PTPRD: variants seen among roughly 807,000 people sequenced by gnomAD.
PTPRD encodes receptor-type tyrosine-protein phosphatase delta.
Under a neutral mutation model 214.5 loss-of-function variants are expected in PTPRD, and 34 were observed. That is an observed-to-expected ratio of 0.16 (90% CI 0.12 to 0.21). PTPRD has a LOEUF of 0.21. Among genes scored for constraint, PTPRD ranks in the 10% least tolerant of loss-of-function variants. The pLI is 1.00. For synonymous variants in PTPRD, 1,128 were observed against 845.7 expected (o/e 1.33, Z -5.79); for missense variants, 2,545 against 2,398.7 (o/e 1.06, Z -1.27).
intron 11 of PTPRD, among the ~76,000 whole-genome samples, chr9:8,945,776 C>T (rs1373530827): frequency 3.3e-5 from 5 of 152,090 alleles, no homozygotes; most frequent in African/African-American, 1.2e-4. Flanking sequence ...ATATACAGTC[C>T]CATCTAGCTA....
intron 2 of PTPRD, among the ~76,000 whole-genome samples, chr9:10,561,368 G>A (rs916160522): frequency 1.3e-5 from 2 of 152,002 alleles, no homozygotes; most frequent in Non-Finnish European, 2.9e-5. Context: ...AGTAGTCTCA[G>A]ATTCCCTTTA....
At chr9:9,779,155 G>A (rs1481037018) in intron 5 of PTPRD, among the ~76,000 whole-genome samples, 1 of 145,838 alleles carries the variant, frequency 6.9e-6, no homozygotes, top group Admixed American at 7.1e-5. Context: ...TAGCCACATG[G>A]AAAAGAATGA....
chr9:9,676,224 C>T (rs746090485), intron 7 of PTPRD, among the ~76,000 whole-genome samples: 2 of 151,898 alleles, frequency 1.3e-5, no homozygotes, highest in African/African-American at 2.4e-5. Flanking sequence ...GTGCCGCACC[C>T]AGTAACTCGT....
At chr9:9,435,660 T>A (rs2084949621) in intron 8 of PTPRD, among the ~76,000 whole-genome samples, 2 of 152,178 alleles carry the variant, frequency 1.3e-5, no homozygotes, top group Admixed American at 1.3e-4. Flanking sequence ...AAAAGTTGCA[T>A]ATATCATATT....
intron 2 of PTPRD, among the ~76,000 whole-genome samples, chr9:10,425,453 T>G (rs1482462281): frequency 6.6e-6 from 1 of 151,958 alleles, no homozygotes; most frequent in Non-Finnish European, 1.5e-5. Flanking sequence ...TCTCTCCCCC[T>G]GTGCTCTATT....
At chr9:8,664,447 A>C (rs117412891) in intron 12 of PTPRD, among the ~76,000 whole-genome samples, 113 of 152,344 alleles carry the variant, frequency 7.4e-4, no homozygotes, top group Non-Finnish European at 1.3e-3. Context: ...CACTATGGGT[A>C]CAAATACAAG....
At chr9:10,460,159 G>C (rs149906806) in intron 2 of PTPRD, among the ~76,000 whole-genome samples, 1 of 151,618 alleles carries the variant, frequency 6.6e-6, no homozygotes, top group Non-Finnish European at 1.5e-5. Context: ...AAAAGCTTAG[G>C]AATAAACTCA....
intron 5 of PTPRD, among the ~76,000 whole-genome samples, chr9:9,869,297 C>T (rs1328163702): frequency 6.6e-6 from 1 of 152,084 alleles, no homozygotes; most frequent in Non-Finnish European, 1.5e-5. Context: ...AGAAATGTTG[C>T]ATTTAGAAAA....
chr9:10,254,413 G>C (rs1203698096), intron 3 of PTPRD, among the ~76,000 whole-genome samples: 1 of 151,846 alleles, frequency 6.6e-6, no homozygotes, highest in Non-Finnish European at 1.5e-5. Flanking sequence ...ATTATTCACA[G>C]TGCATGTCCT....
intron 9 of PTPRD, among the ~76,000 whole-genome samples, chr9:9,188,590 G>A (rs930918241): frequency 6.6e-6 from 1 of 152,028 alleles, no homozygotes; most frequent in Non-Finnish European, 1.5e-5. Flanking sequence ...TGAAGGCTTG[G>A]ACTAGAAAAG....
chr9:9,205,904 T>A (rs1211970220), intron 9 of PTPRD, among the ~76,000 whole-genome samples: 5 of 152,200 alleles, frequency 3.3e-5, no homozygotes, highest in African/African-American at 9.6e-5. Flanking sequence ...ATTATTTCAG[T>A]TTGTCATTAA....
At chr9:10,048,002 C>G (rs2097438779) in intron 3 of PTPRD, among the ~76,000 whole-genome samples, 1 of 152,174 alleles carries the variant, frequency 6.6e-6, no homozygotes, top group Non-Finnish European at 1.5e-5. Context: ...AGTGAACTTT[C>G]CAGTTTCCTA....
chr9:9,246,815 AG>A (rs1213746971), intron 9 of PTPRD, among the ~76,000 whole-genome samples: 1 of 152,024 alleles, frequency 6.6e-6, no homozygotes, highest in Non-Finnish European at 1.5e-5. Context: ...GTGAAACTTC[AG>A]GAAGTTTCCT....
At chr9:9,724,058 A>C (rs1258574711) in intron 7 of PTPRD, among the ~76,000 whole-genome samples, 1 of 151,950 alleles carries the variant, frequency 6.6e-6, no homozygotes, top group Non-Finnish European at 1.5e-5. Context: ...ACCACTTATC[A>C]CTCCTGGCCA....
chr9:10,341,758 C>G lies in PTPRD; in HGVS notation c.-599-741G>C, dbSNP rs573392761. 1.7e-4 allele frequency among the ~76,000 whole-genome samples: 26 copies of G among 152,038 alleles called. No individual in the cohort carries two copies. In the South Asian group the frequency reaches 4.8e-3, roughly 28 times the overall value. On this transcript the variant is annotated intron_variant, in intron 2 of 45. Coordinates refer to ENST00000381196, the MANE Select transcript of PTPRD (RefSeq NM_002839.4). ...GAAAATAGCAATTTGGTCTTCTTTTCATTTGTTTGTTATTATTAAAGGATA... is the reference window on the plus strand; with the variant it reads ...GAAAATAGCAATTTGGTCTTCTTTTGATTTGTTTGTTATTATTAAAGGATA...
At chr9:10,042,371 G>T (rs1414850865) in intron 3 of PTPRD, among the ~76,000 whole-genome samples, 1 of 151,890 alleles carries the variant, frequency 6.6e-6, no homozygotes, top group Non-Finnish European at 1.5e-5. Context: ...ATCTATTAAA[G>T]CACCATAGAT....
intron 4 of PTPRD, among the ~76,000 whole-genome samples, chr9:10,016,686 A>G (rs1284343404): frequency 7.6e-6 from 1 of 132,110 alleles, no homozygotes; most frequent in Non-Finnish European, 1.7e-5. Flanking sequence ...TTTTTTTTCC[A>G]CAGAATTTTG....
chr9:9,428,563 T>A (rs979114623), intron 8 of PTPRD, among the ~76,000 whole-genome samples: 1 of 152,162 alleles, frequency 6.6e-6, no homozygotes, highest in African/African-American at 2.4e-5. Flanking sequence ...TTAATAAACA[T>A]CTACAGAACT....
chr9:10,527,970 T>C (rs1388431230), intron 2 of PTPRD, among the ~76,000 whole-genome samples: 2 of 152,134 alleles, frequency 1.3e-5, no homozygotes, highest in Non-Finnish European at 2.9e-5. Context: ...TAGTAAATAT[T>C]GATAATAATT....
Sources: gnomAD v4.1 joint callset for allele counts (sites outside exome capture counted in the v4.1 genomes callset) on GRCh38, gnomAD v4.1.1 for gene constraint, MANE v1.5 for transcripts, NCBI Gene and HGNC (gene_info 2026-07-23, HGNC 2026-07-21) for gene names.